Variants in PALLD observed in about 807,000 individuals in gnomAD.
The protein encoded by PALLD is palladin.
PALLD carries 61 observed loss-of-function variants against 123.5 expected under a neutral mutation model. That is an observed-to-expected ratio of 0.49 (90% CI 0.40 to 0.61). The LOEUF (loss-of-function observed/expected upper bound fraction) is 0.61, where lower values mean the gene tolerates loss of function less well. Ranked by LOEUF, PALLD falls within the 20% of genes least tolerant of loss-of-function variation. PALLD has a pLI of 0.00. For missense variants in PALLD, 1,273 were observed against 1,377.0 expected (o/e 0.92, Z 1.20); for synonymous variants, 465 against 496.4 (o/e 0.94, Z 0.84).
At chr4:168,508,623 C>G (rs533054705) in intron 1 of PALLD, among the ~76,000 whole-genome samples, 1 of 152,110 alleles carries the variant, frequency 6.6e-6, no homozygotes, top group African/African-American at 2.4e-5. Flanking sequence ...GATTTCAACA[C>G]AAAAACTGAA....
chr4:168,707,709 A>G (rs892667086), intron 8 of PALLD, among the ~76,000 whole-genome samples: 2 of 152,204 alleles, frequency 1.3e-5, no homozygotes, highest in Non-Finnish European at 2.9e-5. Flanking sequence ...AAAAAGAGGC[A>G]TGTCTACAAA....
chr4:168,776,066 C>CA (rs1053059836), intron 10 of PALLD, among the ~76,000 whole-genome samples: 3 of 152,044 alleles, frequency 2.0e-5, no homozygotes, highest in African/African-American at 7.3e-5. Context: ...CAATTTTTAC[C>CA]AAAAAGCTTG....
At chr4:168,730,637 T>A (rs1787073495) in intron 10 of PALLD, among the ~76,000 whole-genome samples, 1 of 152,130 alleles carries the variant, frequency 6.6e-6, no homozygotes, top group Admixed American at 6.6e-5. Context: ...ACCCTAGGAT[T>A]GGGCAAGACC....
chr4:168,642,558 C>T (rs540333646), intron 2 of PALLD, among the ~76,000 whole-genome samples: 13 of 152,234 alleles, frequency 8.5e-5, no homozygotes, highest in South Asian at 4.2e-4. Context: ...CCCGCCACCA[C>T]GCCCAGCTAA....
intron 2 of PALLD, among the ~76,000 whole-genome samples, chr4:168,627,902 G>T (rs368992249): frequency 6.6e-6 from 1 of 152,150 alleles, no homozygotes; most frequent in African/African-American, 2.4e-5. Context: ...AGAGAAATGC[G>T]AGTCAAAACT....
chr4:168,518,863 G>C (rs1026717474), intron 2 of PALLD, among the ~76,000 whole-genome samples: 1 of 152,136 alleles, frequency 6.6e-6, no homozygotes, highest in Non-Finnish European at 1.5e-5. Flanking sequence ...TCAGAGCCTA[G>C]AACAGTGTCT....
chr4:168,919,457 G>A (rs1284896802), intron 17 of PALLD, among the ~76,000 whole-genome samples: 25 of 151,676 alleles, frequency 1.6e-4, no homozygotes, highest in Admixed American at 1.6e-3. Flanking sequence ...CCCGGGAGGC[G>A]GAGGTTGCAG....
At chr4:168,691,354 G>A in intron 8 of PALLD, 62 bp downstream of exon 8, 4 of 1,329,450 alleles carry the variant, frequency 3.0e-6, no homozygotes, top group Non-Finnish European at 1.1e-6. Flanking sequence ...TATCTTTTGG[G>A]TCTCAATAGT....
chr4:168,761,532 C>T (rs1314693951), intron 10 of PALLD, among the ~76,000 whole-genome samples: 2 of 152,068 alleles, frequency 1.3e-5, no homozygotes, highest in Non-Finnish European at 2.9e-5. Context: ...GCAGTCTCAG[C>T]TCACTACAAC....
intron 10 of PALLD, among the ~76,000 whole-genome samples, chr4:168,814,738 C>T (rs1403524589): frequency 6.6e-6 from 1 of 152,090 alleles, no homozygotes; most frequent in Non-Finnish European, 1.5e-5. Flanking sequence ...TAAAATTTTT[C>T]TCCTAAAAGA....
chr4:168,772,624 A>G (rs1473717993), intron 10 of PALLD, among the ~76,000 whole-genome samples: 1 of 152,182 alleles, frequency 6.6e-6, no homozygotes, highest in African/African-American at 2.4e-5. Flanking sequence ...CACAGTTCCA[A>G]TTGTATTCTG....
chr4:168,751,618 A>C (rs943635743), intron 10 of PALLD, among the ~76,000 whole-genome samples: 1 of 152,212 alleles, frequency 6.6e-6, no homozygotes, highest in Non-Finnish European at 1.5e-5. Flanking sequence ...ATCAACTTGG[A>C]AGTATTAACA....
rs937834938 is a variant in PALLD at position 168,501,268 on chromosome 4, G to A, written c.-83+4074G>A. Among the ~76,000 whole-genome samples, 152 of 152,006 alleles carry A rather than the reference G, an allele frequency of 1.0e-3. 2 individuals carry two copies. Among genetic ancestry groups the A allele is most frequent in the African/African-American group, 3.6e-3 (149 of 41,378 alleles). Reference sequence around the variant, plus strand: ...CTCTACAGAAAATAAAAAAGAATTAGCAGGACTTGGTGACATGCACCTGTA... The same window carrying A: ...CTCTACAGAAAATAAAAAAGAATTAACAGGACTTGGTGACATGCACCTGTA... On this transcript the variant is annotated intron_variant, in intron 1 of 21. Coordinates refer to ENST00000505667, the MANE Select transcript of PALLD (RefSeq NM_001166108.2).
chr4:168,864,541 G>T (rs187609229), intron 10 of PALLD: 1 of 152,068 alleles, frequency 6.6e-6, no homozygotes, highest in African/African-American at 2.4e-5. Context: ...GTATCTCGGC[G>T]CACAGATACT....
intron 2 of PALLD, among the ~76,000 whole-genome samples, chr4:168,562,549 G>T (rs1767969736): frequency 2.0e-5 from 3 of 152,232 alleles, no homozygotes. Flanking sequence ...ATGCAGGCTG[G>T]AAAGTAACCA....
chr4:168,867,172 T>G (rs2151061670), intron 10 of PALLD, among the ~76,000 whole-genome samples: 1 of 152,350 alleles, frequency 6.6e-6, no homozygotes, highest in Admixed American at 6.5e-5. Flanking sequence ...GTGGCCTCTC[T>G]CCTCGGGTTT....
chr4:168,778,355 T>C (rs1243188190), intron 10 of PALLD, among the ~76,000 whole-genome samples: 1 of 152,230 alleles, frequency 6.6e-6, no homozygotes, highest in Non-Finnish European at 1.5e-5. Flanking sequence ...TTGTTAATAA[T>C]ACTTGTGGTT....
chr4:168,580,068 C>A (rs1187549541), intron 2 of PALLD, among the ~76,000 whole-genome samples: 1 of 152,040 alleles, frequency 6.6e-6, no homozygotes, highest in Non-Finnish European at 1.5e-5. Context: ...CACCATTCTA[C>A]CTTCTGTTTT....
At chr4:168,858,265 T>G (rs1163689120) in intron 10 of PALLD, among the ~76,000 whole-genome samples, 1 of 152,194 alleles carries the variant, frequency 6.6e-6, no homozygotes, top group African/African-American at 2.4e-5. Context: ...ACATCAGGGG[T>G]CATTTTTTCT....
Sources: allele counts gnomAD v4.1 joint callset (sites outside exome capture counted in the v4.1 genomes callset), GRCh38; gene constraint gnomAD v4.1.1; transcripts MANE v1.5; gene names NCBI Gene and HGNC (gene_info 2026-07-23, HGNC 2026-07-21).